The following CDR2 variants were observed in gnomAD, a reference collection of about 807,000 sequenced individuals.
The protein encoded by CDR2 is cerebellar degeneration-related protein 2.
A neutral mutation model predicts 48.4 loss-of-function variants in CDR2; 34 were observed. That is an observed-to-expected ratio of 0.70 (90% confidence interval 0.53 to 0.94). The LOEUF is 0.94. CDR2 is among the 40% of genes least tolerant of loss of function. The pLI, the probability that CDR2 is intolerant of heterozygous loss-of-function variation, is 0.00. For missense variants in CDR2, 498 were observed against 549.5 expected, an observed-to-expected ratio of 0.91 and a Z score of 0.94; for synonymous variants, 240 against 219.7, an observed-to-expected ratio of 1.09 and a Z score of -0.82.
chr16:22,374,040 G>A (rs536905492), intron 1 of CDR2, among the ~76,000 whole-genome samples, 191 bp downstream of exon 1: 1 of 152,354 alleles, frequency 6.6e-6, no homozygotes, highest in Admixed American at 6.5e-5. Context: ...CATTAGCAAG[G>A]CCGTGGGCCC....
chr16:22,349,274 C>CT lies in CDR2; in HGVS notation c.506+4dup, dbSNP rs1567343634. 2 of 1,614,136 alleles carry CT rather than the reference C, an allele frequency of 1.2e-6. No individual in the cohort carries two copies. Among genetic ancestry groups the CT allele is most frequent in the Admixed American group, 3.3e-5 (2 of 60,024 alleles). ...CTGTAACTCCACAGAAAGGCAGGCT[C>CT]TTACTGGCGGAGGTCATACAGCTCC... On this transcript the variant is annotated splice_donor_region_variant and intron_variant, in intron 4 of 4. Transcript: ENST00000268383.
intron 1 of CDR2, among the ~76,000 whole-genome samples, chr16:22,373,557 G>GA (rs1189904499): frequency 4.9e-4 from 74 of 152,276 alleles, no homozygotes; most frequent in African/African-American, 1.7e-3. Flanking sequence ...TCCTCATATG[G>GA]AAAATGGGAT....
At chr16:22,352,109 C>T (rs536835655) in intron 2 of CDR2, among the ~76,000 whole-genome samples, 5 of 152,180 alleles carry the variant, frequency 3.3e-5, no homozygotes, top group South Asian at 4.1e-4. Context: ...AAAATTAGTC[C>T]GGCGTGGTGG....
rs1004181754 is a variant in CDR2 at position 22,348,022 on chromosome 16, C to T, written c.507-199G>A. Among the ~76,000 whole-genome samples, 19 of 152,072 alleles carry T rather than the reference C, an allele frequency of 1.2e-4. 1 individual carries two copies. The highest frequency in any genetic ancestry group is 2.4e-4 in the Non-Finnish European group (16 of 68,014). ...AAGCGATCTCAGCTCATTGCAACCT[C>T]AGCCTCCCAGGTTCAAGCGATTCTC... On this transcript the variant is annotated intron_variant, in intron 4 of 4. Transcript: ENST00000268383.
intron 2 of CDR2, among the ~76,000 whole-genome samples, chr16:22,360,739 C>CTTTTTTTT (rs201976962): frequency 5.4e-5 from 4 of 74,142 alleles, no homozygotes; most frequent in Non-Finnish European, 8.5e-5. Context: ...AAAAAATGAT[C>CTTTTTTTT]TTTTTTTTTT....
intron 2 of CDR2, among the ~76,000 whole-genome samples, chr16:22,351,325 C>T (rs1042636982): frequency 3.9e-5 from 6 of 152,162 alleles, no homozygotes; most frequent in Admixed American, 1.3e-4. Context: ...AATAAACATA[C>T]GTGTGCATGC....
Position 22,347,603 on chromosome 16 carries a change from A to T in CDR2, c.727T>A (p.Tyr243Asn), listed in dbSNP as rs763836611. 6.8e-6 allele frequency: 11 copies of T among 1,614,042 alleles called. No individual in the cohort carries two copies. The African/African-American group carries it at 1.5e-4, about 22-fold the overall frequency. ...TCTAGTTCCAGCGCCCGTGCTCGGTAGGCACCTGTGGCCCCCAGCTGCTGC... is the reference window on the plus strand; with the variant it reads ...TCTAGTTCCAGCGCCCGTGCTCGGTTGGCACCTGTGGCCCCCAGCTGCTGC... Reference protein sequence around the residue: ...LEQQLGATGAYRARALELEAE... With the variant: ...LEQQLGATGANRARALELEAE... Residue 243 changes from tyrosine to asparagine, a missense_variant, in exon 5 of 5, where the codon TAC becomes AAC. Physicochemically the swap from Tyr to Asn is moderately radical, Grantham distance 143. Transcript: ENST00000268383.
chr16:22,374,271 C>T lies in CDR2; in HGVS notation c.39G>A (p.Lys13=), dbSNP rs1362731082. 6.2e-7 allele frequency: 1 copy of T among 1,604,218 alleles called. No homozygotes were observed. The highest frequency in any genetic ancestry group is 1.1e-5 in the South Asian group (1 of 89,762). The change falls in exon 1 of 5, where the codon AAG becomes AAA. Residue 13 remains lysine (K), a synonymous_variant. Transcript: ENST00000268383. ...GGTGGTCGTACCACGGCTCGTCCTCCTTCATCTCAAACTCCTCTACCAGGT... is the reference window on the plus strand; with the variant it reads ...GGTGGTCGTACCACGGCTCGTCCTCTTTCATCTCAAACTCCTCTACCAGGT... ...AENLVEEFEM[K]EDEPWYDHQD... is the part of the protein sequence containing the mutation.
intron 2 of CDR2, among the ~76,000 whole-genome samples, chr16:22,356,395 A>T (rs931340826): frequency 6.6e-6 from 1 of 152,246 alleles, no homozygotes; most frequent in African/African-American, 2.4e-5. Flanking sequence ...AGGTGGGCAG[A>T]TCACTTGAGG....
intron 1 of CDR2, among the ~76,000 whole-genome samples, chr16:22,373,192 TC>T (rs1356305711): frequency 6.6e-6 from 1 of 152,202 alleles, no homozygotes; most frequent in African/African-American, 2.4e-5. Context: ...AACTGCTAGC[TC>T]CTGCTATTAG....
At position 22,349,819 on chromosome 16, in the gene CDR2, G is replaced by A; in HGVS notation, c.223C>T (p.Gln75Ter). The change falls in exon 3 of 5, where the codon CAG becomes TAG. Residue 75 changes from glutamine to a stop codon, truncating the protein, a stop_gained. Coordinates refer to ENST00000268383, the MANE Select transcript of CDR2 (RefSeq NM_001802.2). LOFTEE classifies it high-confidence loss of function. The part of the protein sequence containing the change: ...YLTKQVELLR[Q>*]MNEQHAKVYE... ...ACCTTTGCATGTTGTTCGTTCATCT[G>A]CCGTAGAAGTTCCACTTGCTTCGTC... 1 of 1,614,076 alleles carries A rather than the reference G, an allele frequency of 6.2e-7. No individual in the cohort carries two copies. Among genetic ancestry groups the A allele is most frequent in the Non-Finnish European group, 8.5e-7 (1 of 1,179,922 alleles).
At chr16:22,367,020 G>A (rs1318272503) in intron 1 of CDR2, 1 of 152,196 alleles carries the variant, frequency 6.6e-6, no homozygotes, top group African/African-American at 2.4e-5. Flanking sequence ...TGAACAAAGG[G>A]CTTTCTTTTT....
Position 22,349,790 on chromosome 16 carries a change from A to G in CDR2, c.252T>C (p.Tyr84=), listed in dbSNP as rs2048929996. The G allele has an allele frequency of 6.2e-7, 1 of 1,613,994 alleles. No homozygotes were observed. The highest frequency in any genetic ancestry group is 1.7e-5 in the Admixed American group (1 of 60,000). ...CCCTTGCTGTGACGTCTAATTGTTC[A>G]TAAACCTTTGCATGTTGTTCGTTCA... ...RQMNEQHAKV[Y]EQLDVTAREL... is the part of the protein sequence containing the mutation. Residue 84 remains tyrosine (Y), a synonymous_variant, in exon 3 of 5, where the codon TAT becomes TAC. Transcript: ENST00000268383.
At chr16:22,368,207 T>C (rs1425222518) in intron 1 of CDR2, among the ~76,000 whole-genome samples, 1 of 151,634 alleles carries the variant, frequency 6.6e-6, no homozygotes, top group Non-Finnish European at 1.5e-5. Flanking sequence ...TTCTTGTCAT[T>C]ATTTATTTAT....
intron 2 of CDR2, among the ~76,000 whole-genome samples, chr16:22,356,953 GAAA>G (rs1162529433): frequency 1.1e-5 from 1 of 87,518 alleles, no homozygotes; most frequent in African/African-American, 4.2e-5. Flanking sequence ...AAAAAAAAAA[GAAA>G]AAAAAAAAAA....
chr16:22,360,491 A>AT (rs1378876384), intron 2 of CDR2, among the ~76,000 whole-genome samples: 1 of 152,180 alleles, frequency 6.6e-6, no homozygotes, highest in African/African-American at 2.4e-5. Context: ...CTTTGAAAGA[A>AT]TATTTGTGGT....
chr16:22,365,072 T>C, intron 1 of CDR2, 58 bp from the exon 2 acceptor site: 1 of 1,117,594 alleles, frequency 8.9e-7, no homozygotes, highest in Non-Finnish European at 1.4e-6. Context: ...ACAATTTATA[T>C]AACCCAGTCC....
chr16:22,371,412 T>G (rs1022365623), intron 1 of CDR2, among the ~76,000 whole-genome samples: 4 of 152,156 alleles, frequency 2.6e-5, no homozygotes, highest in African/African-American at 9.7e-5. Flanking sequence ...CGAGGCGCTG[T>G]AGTGGGCACA....
At position 22,361,970 on chromosome 16, in the gene CDR2, C is replaced by T. The variant is rs547801860; in HGVS notation, c.192+2932G>A. 1.0e-3 allele frequency among the ~76,000 whole-genome samples: 151 copies of T among 144,110 alleles called. 1 individual carries two copies. Among genetic ancestry groups the T allele is most frequent in the African/African-American group, 3.7e-3 (142 of 38,616 alleles). The allele number at this position is 144,110 out of a possible 152,430, so 94.5% of individuals were successfully genotyped here. On this transcript the variant is annotated intron_variant, in intron 2 of 4. Transcript: ENST00000268383. ...AGGCTGGAGTGCAGTGGCACGATCT[C>T]GGCTCACTGCAAGCTCCGCCTCCCG...
Sources: gnomAD v4.1 joint callset for allele counts (sites outside exome capture counted in the v4.1 genomes callset) on GRCh38, gnomAD v4.1.1 for gene constraint, MANE v1.5 for transcripts, NCBI Gene and HGNC (gene_info 2026-07-23, HGNC 2026-07-21) for gene names.